The following CPQ variants were observed in gnomAD, a reference collection of about 807,000 sequenced individuals.
CPQ encodes the protein Ser-Met dipeptidase.
A neutral mutation model predicts 45.7 loss-of-function variants in CPQ; 37 were observed. That is an observed-to-expected ratio of 0.81 (90% CI 0.62 to 1.07). CPQ has a LOEUF of 1.07. Ranked by LOEUF, CPQ falls within the 50% of genes least tolerant of loss-of-function variation. CPQ has a pLI of 0.00. For synonymous variants in CPQ, 186 were observed against 205.8 expected (o/e 0.90, Z 0.82); for missense variants, 537 against 572.9 (o/e 0.94, Z 0.64).
intron 3 of CPQ, among the ~76,000 whole-genome samples, chr8:96,862,348 A>G (rs1359447906): frequency 1.3e-5 from 2 of 150,454 alleles, no homozygotes; most frequent in African/African-American, 4.9e-5. Context: ...GGAGAGAGAG[A>G]GGAGAGAAAG....
chr8:96,894,116 C>T (rs1338423130), intron 4 of CPQ, among the ~76,000 whole-genome samples: 1 of 152,168 alleles, frequency 6.6e-6, no homozygotes, highest in African/African-American at 2.4e-5. Flanking sequence ...ACTTCTTCTG[C>T]TATTAACCAG....
At chr8:96,940,908 C>T (rs912188716) in intron 4 of CPQ, among the ~76,000 whole-genome samples, 1 of 152,034 alleles carries the variant, frequency 6.6e-6, no homozygotes, top group Non-Finnish European at 1.5e-5. Context: ...AAAAAGAATA[C>T]CTTTTGGATT....
At chr8:97,030,512 C>G (rs973807293) in intron 6 of CPQ, among the ~76,000 whole-genome samples, 5 of 152,046 alleles carry the variant, frequency 3.3e-5, no homozygotes, top group African/African-American at 1.2e-4. Context: ...ACTCTTTCAC[C>G]ACTTTAGTTC....
intron 2 of CPQ, among the ~76,000 whole-genome samples, chr8:96,799,026 A>C (rs1183994284): frequency 6.6e-6 from 1 of 152,236 alleles, no homozygotes; most frequent in Non-Finnish European, 1.5e-5. Flanking sequence ...TCATACTAAA[A>C]CAAGCTTCAT....
At chr8:97,129,644 C>T (rs1427274838) in intron 7 of CPQ, among the ~76,000 whole-genome samples, 1 of 152,118 alleles carries the variant, frequency 6.6e-6, no homozygotes, top group Non-Finnish European at 1.5e-5. Context: ...CTGTGCCATC[C>T]ACTAACATAC....
chr8:96,828,444 T>C (rs1027405996), intron 2 of CPQ, among the ~76,000 whole-genome samples: 2 of 151,896 alleles, frequency 1.3e-5, no homozygotes, highest in Non-Finnish European at 1.5e-5. Context: ...AGCCAGTGTC[T>C]CCTAGTCAAT....
chr8:97,044,577 C>T (rs1041067305), intron 6 of CPQ, among the ~76,000 whole-genome samples: 1 of 152,132 alleles, frequency 6.6e-6, no homozygotes, highest in Admixed American at 6.5e-5. Context: ...TTAGAGTTTC[C>T]AGTTTTTCTG....
intron 4 of CPQ, among the ~76,000 whole-genome samples, chr8:96,944,103 T>A (rs1354818383): frequency 1.3e-5 from 2 of 152,180 alleles, no homozygotes; most frequent in Non-Finnish European, 2.9e-5. Flanking sequence ...TTAGTCCTGG[T>A]ACAATCCCTC....
intron 6 of CPQ, 36 bp downstream of exon 6, chr8:97,029,530 C>T (rs771818323): frequency 3.3e-6 from 5 of 1,510,926 alleles, no homozygotes. Context: ...AGCATTTGTA[C>T]ATGTAATATA....
chr8:96,699,034 T>C (rs898841124), intron 1 of CPQ, among the ~76,000 whole-genome samples: 7 of 152,152 alleles, frequency 4.6e-5, no homozygotes, highest in Admixed American at 3.9e-4. Flanking sequence ...TATGCTCCCA[T>C]GTTTGTTGCA....
chr8:96,870,216 A>G (rs1280799354), intron 3 of CPQ, among the ~76,000 whole-genome samples: 1 of 151,986 alleles, frequency 6.6e-6, no homozygotes. Flanking sequence ...AAGGTGCTGC[A>G]TTACTTAAAT....
chr8:96,971,218 G>A (rs1014812180), intron 5 of CPQ, among the ~76,000 whole-genome samples: 7 of 152,146 alleles, frequency 4.6e-5, no homozygotes, highest in Non-Finnish European at 1.0e-4. Flanking sequence ...ACCTTTGGGA[G>A]CCTGAGATTG....
rs199653343 is a variant in CPQ at position 96,944,369 on chromosome 8, T to C, written c.850-21566T>C. 1.1e-4 allele frequency among the ~76,000 whole-genome samples: 16 copies of C among 152,254 alleles called. No individual in the cohort carries two copies. The East Asian group carries it at 3.1e-3, about 29-fold the overall frequency. On this transcript the variant is annotated intron_variant, in intron 4 of 7. Coordinates refer to ENST00000220763, the MANE Select transcript of CPQ (RefSeq NM_016134.4). ...AGGTGTTTCTAGTCTGTTCAGTCCA[T>C]TTGTTCATGACCCCCTGCTTCTGTC...
chr8:96,979,609 A>G (rs1813852624), intron 5 of CPQ, among the ~76,000 whole-genome samples: 1 of 152,242 alleles, frequency 6.6e-6, no homozygotes, highest in African/African-American at 2.4e-5. Flanking sequence ...TAAAAACAGA[A>G]GTCTGCAAAA....
chr8:96,977,020 G>A (rs1234187494), intron 5 of CPQ, among the ~76,000 whole-genome samples: 1 of 152,078 alleles, frequency 6.6e-6, no homozygotes, highest in East Asian at 1.9e-4. Context: ...AAACTAAAAA[G>A]CTTCTGCACA....
intron 7 of CPQ, among the ~76,000 whole-genome samples, chr8:97,117,147 T>C (rs2130601395): frequency 6.6e-6 from 1 of 152,368 alleles, no homozygotes; most frequent in East Asian, 1.9e-4. Flanking sequence ...GGGCTGGTTT[T>C]TCATGTATAT....
chr8:96,871,101 T>C (rs1258006336), intron 3 of CPQ, among the ~76,000 whole-genome samples: 1 of 152,022 alleles, frequency 6.6e-6, no homozygotes, highest in Non-Finnish European at 1.5e-5. Flanking sequence ...ACTGATTTCT[T>C]ATTGGTGCCA....
intron 2 of CPQ, among the ~76,000 whole-genome samples, chr8:96,793,459 C>A (rs548202225): frequency 6.6e-6 from 1 of 152,212 alleles, no homozygotes; most frequent in South Asian, 2.1e-4. Flanking sequence ...ATGAGAACAG[C>A]ATGGGAAGGA....
At chr8:97,136,910 G>A (rs1434862721) in intron 7 of CPQ, among the ~76,000 whole-genome samples, 2 of 150,548 alleles carry the variant, frequency 1.3e-5, no homozygotes, top group Non-Finnish European at 1.5e-5. Flanking sequence ...ACCCTGCAAT[G>A]TCAGGTGCTC....
Sources: allele counts gnomAD v4.1 joint callset (sites outside exome capture counted in the v4.1 genomes callset), GRCh38; gene constraint gnomAD v4.1.1; transcripts MANE v1.5; gene names NCBI Gene and HGNC (gene_info 2026-07-23, HGNC 2026-07-21).